The following CHML variants were observed in gnomAD, a reference collection of about 807,000 sequenced individuals.
The protein encoded by CHML is CHM like Rab escort protein, also known as rab proteins geranylgeranyltransferase component A 2.
A neutral mutation model predicts 30.4 loss-of-function variants in CHML; 20 were observed. The ratio of observed to expected loss-of-function variants is 0.66; its 90% CI spans 0.46 to 0.95. The LOEUF is 0.95. CHML is among the 40% of genes least tolerant of loss of function. The pLI is 0.00. For missense variants in CHML, 795 were observed against 768.5 expected, an observed-to-expected ratio of 1.03 and a Z score of -0.41; for synonymous variants, 281 against 275.0, an observed-to-expected ratio of 1.02 and a Z score of -0.22.
At position 241,639,889 on chromosome 1, in the gene CHML, G is replaced by A; in HGVS notation, c.-315C>T. 1 of 1,577,954 alleles carries A rather than the reference G, an allele frequency of 6.3e-7. No homozygotes were observed. Among genetic ancestry groups the A allele is most frequent in the Non-Finnish European group, 8.6e-7 (1 of 1,161,320 alleles). On this transcript the variant is annotated 5_prime_UTR_variant, in exon 1 of 2. Transcript: ENST00000366553. ...TCTCCCAGTCCAACTCACCGAAGAG[G>A]CTGCCGCTAAACCCGTCCCACACGC...
rs1664813703 is a variant in CHML at position 241,634,812 on chromosome 1, G to A, written c.955C>T (p.Gln319Ter). 1.2e-6 allele frequency: 2 copies of A among 1,613,586 alleles called. No individual in the cohort carries two copies. The highest frequency in any genetic ancestry group is 1.7e-6 in the Non-Finnish European group (2 of 1,179,760). Residue 319 changes from glutamine to a stop codon, truncating the protein, a stop_gained, in exon 2 of 2, where the codon CAG becomes TAG. Transcript: ENST00000366553. LOFTEE classifies it high-confidence loss of function. ...TTTAAGTATTCTGAAAATGAACACT[G>A]CCTGAAAGCTTGGTATTCATCAGGA... The part of the protein sequence containing the change: ...QHPDEYQAFR[Q>*]CSFSEYLKTK...
intron 1 of CHML, among the ~76,000 whole-genome samples, chr1:241,636,778 T>C (rs1664914731): frequency 6.6e-6 from 1 of 152,138 alleles, no homozygotes; most frequent in South Asian, 2.1e-4. Flanking sequence ...AAACTTCTGA[T>C]TTCATATTAA....
Position 241,640,060 on chromosome 1 carries a change from G to C in CHML, c.-486C>G, listed in dbSNP as rs1665060627. ...TGCGGAGCCGCTGGAACTTGTAGTAGAGGACGAGCACCAGCAGGTTGTTGC... is the reference window on the plus strand; with the variant it reads ...TGCGGAGCCGCTGGAACTTGTAGTACAGGACGAGCACCAGCAGGTTGTTGC... On this transcript the variant is annotated 5_prime_UTR_variant, in exon 1 of 2. Transcript: ENST00000366553. The C allele has an allele frequency of 6.2e-7, 1 of 1,612,658 alleles. No individual in the cohort carries two copies. The highest frequency in any genetic ancestry group is 8.5e-7 in the Non-Finnish European group (1 of 1,179,470).
At chr1:241,638,878 C>T (rs1459680862) in intron 1 of CHML, among the ~76,000 whole-genome samples, 1 of 152,000 alleles carries the variant, frequency 6.6e-6, no homozygotes, top group Non-Finnish European at 1.5e-5. Context: ...CCAAACCTAC[C>T]AAGATTAAAG....
Position 241,633,246 on chromosome 1 carries a change from G to C in CHML, c.*550C>G, listed in dbSNP as rs1219153520. The stretch of plus-strand genomic sequence containing the variant: ...GATCATGCAAAGCTAATCTTTAAAC[G>C]ATTATAGACAAATGTATTTTATTAT... On this transcript the variant is annotated 3_prime_UTR_variant, in exon 2 of 2. Coordinates refer to ENST00000366553, the MANE Select transcript of CHML (RefSeq NM_001381853.1). 1 of 155,396 alleles carries C rather than the reference G, an allele frequency of 6.4e-6. No homozygotes were observed. Among genetic ancestry groups the C allele is most frequent in the Non-Finnish European group, 1.4e-5 (1 of 70,052 alleles). The allele number at this position is 155,396 out of a possible 1,614,324, so 9.6% of individuals were successfully genotyped here.
At position 241,634,856 on chromosome 1, in the gene CHML, C is replaced by T. The variant is rs778639588; in HGVS notation, c.911G>A (p.Cys304Tyr). 5 of 1,609,626 alleles carry T rather than the reference C, an allele frequency of 3.1e-6. No individual in the cohort carries two copies. The South Asian group carries it at 3.3e-5, about 11-fold the overall frequency. Residue 304 changes from cysteine (C) to tyrosine (Y), a missense_variant, in exon 2 of 2, where the codon TGT (cysteine) becomes TAT (tyrosine). Cys to Tyr is a radical substitution (Grantham distance 194). Transcript: ENST00000366553. Reference protein sequence around the residue: ...KRMLMKFLTFCLEYEQHPDEY... With the variant: ...KRMLMKFLTFYLEYEQHPDEY... ...ATCAGGATGTTGTTCATACTCTAAACAAAATGTGAGAAATTTCATTAGCAT... is the reference window on the plus strand; with the variant it reads ...ATCAGGATGTTGTTCATACTCTAAATAAAATGTGAGAAATTTCATTAGCAT...
chr1:241,637,209 C>G (rs142583417), intron 1 of CHML, among the ~76,000 whole-genome samples: 4 of 152,236 alleles, frequency 2.6e-5, no homozygotes, highest in African/African-American at 9.6e-5. Context: ...TCAGTACAAG[C>G]TGTACCTGTC....
At position 241,635,228 on chromosome 1, in the gene CHML, T is replaced by C; in HGVS notation, c.539A>G (p.Lys180Arg). Reference sequence around the variant, plus strand: ...CATACAAGTTTTATCTCCACAATACTTTTCCTTCTCCACTGATTCCTCTAC... The same window carrying C: ...CATACAAGTTTTATCTCCACAATACCTTTCCTTCTCCACTGATTCCTCTAC... ...TDVEESVEKE[K>R]YCGDKTCMHT... Residue 180 changes from lysine to arginine, a missense_variant, in exon 2 of 2, where the codon AAG becomes AGG. By Grantham distance (26) the Lys-to-Arg change is conservative. Coordinates refer to ENST00000366553, the MANE Select transcript of CHML (RefSeq NM_001381853.1). 6.2e-7 allele frequency: 1 copy of C among 1,613,616 alleles called. No homozygotes were observed. The highest frequency in any genetic ancestry group is 8.5e-7 in the Non-Finnish European group (1 of 1,179,914).
Position 241,634,841 on chromosome 1 carries a change from T to G in CHML, c.926A>C (p.Gln309Pro). Residue 309 changes from glutamine (Q) to proline (P), a missense_variant, in exon 2 of 2, where the codon CAA becomes CCA. Transcript: ENST00000366553. ...GAAAGCTTGGTATTCATCAGGATGTTGTTCATACTCTAAACAAAATGTGAG... is the reference window on the plus strand; with the variant it reads ...GAAAGCTTGGTATTCATCAGGATGTGGTTCATACTCTAAACAAAATGTGAG... ...KFLTFCLEYE[Q>P]HPDEYQAFRQ... 1 of 1,612,324 alleles carries G rather than the reference T, an allele frequency of 6.2e-7. No individual in the cohort carries two copies. Among genetic ancestry groups the G allele is most frequent in the South Asian group, 1.1e-5 (1 of 90,810 alleles).
rs780044404 is a variant in CHML at position 241,633,790 on chromosome 1, T to C, written c.*6A>G. The C allele has an allele frequency of 1.2e-5, 20 of 1,612,748 alleles. No homozygotes were observed. The highest frequency in any genetic ancestry group is 1.7e-5 in the Non-Finnish European group (20 of 1,179,454). ...GTCCAAAACAGCATTTCGAGATTGC[T>C]CTTTTCTAATTTTGAAGGTGCTTCT... On this transcript the variant is annotated 3_prime_UTR_variant, in exon 2 of 2. Coordinates refer to ENST00000366553, the MANE Select transcript of CHML (RefSeq NM_001381853.1).
At chr1:241,636,637 C>T (rs1421279039) in intron 1 of CHML, among the ~76,000 whole-genome samples, 2 of 152,048 alleles carry the variant, frequency 1.3e-5, no homozygotes, top group African/African-American at 4.8e-5. Flanking sequence ...TTCAGTAAAA[C>T]AACTGGCCAT....
At chr1:241,639,766 CG>C (rs1665042576) in intron 1 of CHML, 115 bp downstream of exon 1, 1 of 965,152 alleles carries the variant, frequency 1.0e-6, no homozygotes, top group Non-Finnish European at 1.3e-6. Flanking sequence ...GCGGGGGGCG[CG>C]GGGCCGAGCG....
At chr1:241,638,343 G>C (rs1664982913) in intron 1 of CHML, among the ~76,000 whole-genome samples, 1 of 152,156 alleles carries the variant, frequency 6.6e-6, no homozygotes, top group African/African-American at 2.4e-5. Context: ...GAGGAAGAGG[G>C]TGGATGACAG....
In CHML at chr1:241,634,144, T is replaced by C; in HGVS notation, c.1623A>G (p.Glu541=). 1 of 1,613,376 alleles carries C rather than the reference T, an allele frequency of 6.2e-7. No homozygotes were observed. The highest frequency in any genetic ancestry group is 8.5e-7 in the Non-Finnish European group (1 of 1,179,742). ...ACAAGAGTCTTGGCTTTGTAAGTTC[T>C]TCCTCGTTTATTTCTGTTTCAGTAT... is the stretch of plus-strand genomic sequence containing the variant. ...TPYTETEINE[E]ELTKPRLLWA... is the part of the protein sequence containing the mutation. Residue 541 remains glutamate (E), a synonymous_variant, in exon 2 of 2, where the codon GAA becomes GAG. Transcript: ENST00000366553.
Position 241,632,814 on chromosome 1 carries a change from A to G in CHML, c.*982T>C, listed in dbSNP as rs1310382064. The G allele has an allele frequency of 6.6e-6, 1 of 152,222 alleles. No homozygotes were observed. The highest frequency in any genetic ancestry group is 2.1e-4 in the South Asian group (1 of 4,820). The allele number at this position is 152,222 out of a possible 1,614,324, so 9.4% of individuals were successfully genotyped here. On this transcript the variant is annotated 3_prime_UTR_variant, in exon 2 of 2. Transcript: ENST00000366553. The stretch of plus-strand genomic sequence containing the variant: ...TCATTCTCACTGAAAAACCTTGGGT[A>G]ATCTATTTATAGAGGGTTTTATAAG...
chr1:241,639,836 G>C (rs1482148388), intron 1 of CHML, 46 bp downstream of exon 1: 9 of 1,440,872 alleles, frequency 6.2e-6, no homozygotes, highest in Non-Finnish European at 8.2e-6. Flanking sequence ...GGGGTGGGGA[G>C]TGGAAGTTTG....
At position 241,635,357 on chromosome 1, in the gene CHML, G is replaced by C. The variant is rs1202479923; in HGVS notation, c.410C>G (p.Ser137Cys). Residue 137 changes from serine (S) to cysteine (C), a missense_variant, in exon 2 of 2, where the codon TCT (serine) becomes TGT (cysteine). Ser to Cys is a moderately radical substitution (Grantham distance 112). Transcript: ENST00000366553. The part of the protein sequence containing the change: ...VSNTFTEVLD[S>C]ALPEESQLSY... ...TAACTGGCTTTCTTCAGGTAATGCA[G>C]AATCCAGAACTTCAGTGAAGGTATT... 2 of 1,614,034 alleles carry C rather than the reference G, an allele frequency of 1.2e-6. No homozygotes were observed. The highest frequency in any genetic ancestry group is 1.7e-6 in the Non-Finnish European group (2 of 1,179,946).
rs1664515299 is a variant in CHML at position 241,629,104 on chromosome 1, T to G, written c.*4692A>C. On this transcript the variant is annotated 3_prime_UTR_variant, in exon 2 of 2. Transcript: ENST00000366553. ...TGAATGGCTATATAACATTCTGTGA[T>G]AGCACTAGCAATACACCAAAATTTA... 1 of 152,620 alleles carries G rather than the reference T, an allele frequency of 6.6e-6. No individual in the cohort carries two copies. Among genetic ancestry groups the G allele is most frequent in the Non-Finnish European group, 1.5e-5 (1 of 68,008 alleles). 9.5% of individuals were successfully genotyped at this position (152,620 alleles called of 1,614,324 possible). A position where few individuals can be genotyped will look rare whatever the true frequency, so the allele number is the denominator to read the frequency against.
In CHML at chr1:241,634,353, G is replaced by A. The variant is rs1664783080; in HGVS notation, c.1414C>T (p.Gln472Ter). The A allele has an allele frequency of 6.2e-7, 1 of 1,613,840 alleles. No homozygotes were observed. Among genetic ancestry groups the A allele is most frequent in the Admixed American group, 1.7e-5 (1 of 59,996 alleles). The change falls in exon 2 of 2, where the codon CAG becomes TAG. Residue 472 changes from glutamine (Q) to a stop codon, truncating the protein, a stop_gained. Transcript: ENST00000366553. LOFTEE classifies it high-confidence loss of function. ...GGAACTATCAGAATGGAAGTCTGCT[G>A]ATCTAAATCTGTCTTTAGTATAGAC... ...DQSILKTDLD[Q>*]QTSILIVPPA...
Sources: gnomAD v4.1 joint callset for allele counts (sites outside exome capture counted in the v4.1 genomes callset) on GRCh38, gnomAD v4.1.1 for gene constraint, MANE v1.5 for transcripts, NCBI Gene and HGNC (gene_info 2026-07-23, HGNC 2026-07-21) for gene names.